The following KLRG1 variants were observed in gnomAD, a reference collection of about 807,000 sequenced individuals.
KLRG1 encodes the protein killer cell lectin-like receptor subfamily G member 1.
KLRG1 carries 16 observed loss-of-function variants against 21.8 expected under a neutral mutation model. That is an observed-to-expected ratio of 0.73 (90% confidence interval 0.50 to 1.11). The LOEUF is 1.11. Among genes scored for constraint, KLRG1 ranks in the 50% most tolerant of loss-of-function variants. KLRG1 has a pLI of 0.00. For missense variants in KLRG1, 173 were observed against 218.3 expected, an observed-to-expected ratio of 0.79 and a Z score of 1.31; for synonymous variants, 69 against 75.9, an observed-to-expected ratio of 0.91 and a Z score of 0.47.
the KLRG1 span, among the ~76,000 whole-genome samples, chr12:9,177,743 C>T: frequency 1.6e-3 from 245 of 152,268 alleles, 1 homozygote; most frequent in Non-Finnish European, 2.5e-3. Context: ...CAGTTATGTT[C>T]ATAGTTTCTT....
At chr12:9,055,897 G>A in the KLRG1 span, among the ~76,000 whole-genome samples, 1 of 152,162 alleles carries the variant, frequency 6.6e-6, no homozygotes, top group Non-Finnish European at 1.5e-5. Flanking sequence ...TAATCACAGG[G>A]TAATTTCATT....
At chr12:9,127,945 G>C in the KLRG1 span, 1 of 338,380 alleles carries the variant, frequency 3.0e-6, no homozygotes, top group African/African-American at 2.2e-5. Context: ...GAGAACTCCC[G>C]GATTGTCTTG....
At chr12:9,078,188 C>T in the KLRG1 span, among the ~76,000 whole-genome samples, 2,432 of 152,228 alleles carry the variant, frequency 0.016, 68 homozygotes, top group African/African-American at 0.056. Flanking sequence ...AGTTCCCTCC[C>T]GTCACCCCAC....
At chr12:9,194,599 G>A in the KLRG1 span, among the ~76,000 whole-genome samples, 1 of 151,850 alleles carries the variant, frequency 6.6e-6, no homozygotes, top group African/African-American at 2.4e-5. Flanking sequence ...CGAGTAGCTG[G>A]GACTACAGGC....
chr12:9,157,464 G>A, the KLRG1 span: 1 of 1,026,942 alleles, frequency 9.7e-7, no homozygotes, highest in South Asian at 1.6e-5. Context: ...AGACAGATAG[G>A]CAGACAGCTA....
At chr12:9,150,945 C>G in the KLRG1 span, among the ~76,000 whole-genome samples, 1 of 152,164 alleles carries the variant, frequency 6.6e-6, no homozygotes, top group Non-Finnish European at 1.5e-5. Flanking sequence ...AGATTTTCTT[C>G]TAAACAACTG....
In KLRG1 at chr12:8,962,262, G is replaced by T. The variant is rs562626960; in HGVS notation, c.-156+12026G>T. Among the ~76,000 whole-genome samples the T allele has an allele frequency of 3.0e-4, 45 of 152,172 alleles. 1 individual carries two copies. The highest frequency in any genetic ancestry group is 5.4e-4 in the Non-Finnish European group (37 of 67,972). On this transcript the variant is annotated intron_variant, in intron 1 of 4. Coordinates refer to the KLRG1 transcript ENST00000539240. ...AGAGGAAAATTGAACATGGTGAAGA[G>T]AAAAATGGAAGATATTCAAATAATA...
At chr12:8,974,099 T>A (rs1019350986) in intron 1 of KLRG1, among the ~76,000 whole-genome samples, 1 of 152,156 alleles carries the variant, frequency 6.6e-6, no homozygotes. Flanking sequence ...ATAGTGAGAA[T>A]GACATCTTTT....
the KLRG1 span, among the ~76,000 whole-genome samples, chr12:9,096,894 T>TATA: frequency 3.9e-5 from 6 of 152,208 alleles, no homozygotes; most frequent in African/African-American, 1.4e-4. Context: ...TAGCACTTAG[T>TATA]ATAATACCTA....
At chr12:9,088,266 T>TA in the KLRG1 span, among the ~76,000 whole-genome samples, 1 of 151,046 alleles carries the variant, frequency 6.6e-6, no homozygotes, top group Admixed American at 6.6e-5. Context: ...TTTTTTTTTT[T>TA]AAAGAAGAAT....
the KLRG1 span, among the ~76,000 whole-genome samples, chr12:9,076,441 C>T: frequency 0.02 from 3,068 of 152,296 alleles, 110 homozygotes; most frequent in African/African-American, 0.07. Context: ...AGAGAATGCT[C>T]TTCTTACCAG....
the KLRG1 span, chr12:9,163,897 A>G: frequency 2.9e-6 from 4 of 1,397,480 alleles, no homozygotes; most frequent in East Asian, 6.9e-5. Context: ...TAAGGCTAAA[A>G]AAAAAGAAAC....
At chr12:9,097,992 A>C in the KLRG1 span, among the ~76,000 whole-genome samples, 1 of 152,214 alleles carries the variant, frequency 6.6e-6, no homozygotes, top group Non-Finnish European at 1.5e-5. Context: ...CAGTGCAGGT[A>C]TATGTATCAC....
intron 1 of KLRG1, among the ~76,000 whole-genome samples, chr12:8,977,210 T>A (rs1421083762): frequency 6.7e-6 from 1 of 148,972 alleles, no homozygotes; most frequent in Admixed American, 6.7e-5. Flanking sequence ...GCTACTGATT[T>A]TTTTTTTTTT....
the KLRG1 span, among the ~76,000 whole-genome samples, chr12:9,075,608 C>CA: frequency 1.3e-5 from 2 of 152,074 alleles, no homozygotes; most frequent in Non-Finnish European, 2.9e-5. Context: ...AGCAGACAAA[C>CA]AAAAAACTAA....
the KLRG1 span, among the ~76,000 whole-genome samples, chr12:9,123,427 G>T: frequency 6.6e-6 from 1 of 152,102 alleles, no homozygotes; most frequent in African/African-American, 2.4e-5. Context: ...CATAAGCCCT[G>T]CAGTATTGAG....
the KLRG1 span, among the ~76,000 whole-genome samples, chr12:9,186,059 A>G: frequency 0.6 from 91,667 of 151,670 alleles, 27,753 homozygotes; most frequent in Admixed American, 0.67. Flanking sequence ...GACCACCTTG[A>G]CCCCCCAAAG....
chr12:9,206,226 T>A, the KLRG1 span, among the ~76,000 whole-genome samples: 1 of 151,780 alleles, frequency 6.6e-6, no homozygotes, highest in African/African-American at 2.4e-5. Flanking sequence ...TTCCTTTAGT[T>A]CTTTGATCTT....
At chr12:9,074,556 C>G in the KLRG1 span, 1 of 1,604,010 alleles carries the variant, frequency 6.2e-7, no homozygotes, top group Non-Finnish European at 8.5e-7. Context: ...GGCAAATCAC[C>G]AACCTGGGTG....
Sources: allele counts gnomAD v4.1 joint callset (sites outside exome capture counted in the v4.1 genomes callset), GRCh38; gene constraint gnomAD v4.1.1; transcripts MANE v1.5; gene names NCBI Gene and HGNC (gene_info 2026-07-23, HGNC 2026-07-21).